CDH23: variants seen among roughly 807,000 people sequenced by gnomAD.
CDH23 encodes cadherin-23.
A neutral mutation model predicts 317.1 loss-of-function variants in CDH23; 189 were observed. The ratio of observed to expected loss-of-function variants is 0.60; its 90% CI spans 0.53 to 0.67. The LOEUF (loss-of-function observed/expected upper bound fraction) is 0.67. CDH23 is among the 30% of genes least tolerant of loss of function. CDH23 has a pLI of 0.00. For missense variants in CDH23, 4,401 were observed against 4,592.4 expected, an observed-to-expected ratio of 0.96 and a Z score of 1.20; for synonymous variants, 1,839 against 1,876.8, an observed-to-expected ratio of 0.98 and a Z score of 0.52.
intron 1 of CDH23, among the ~76,000 whole-genome samples, chr10:71,406,436 G>A (rs1264699614): frequency 6.6e-6 from 1 of 152,170 alleles, no homozygotes; most frequent in African/African-American, 2.4e-5. Context: ...CATGCTGTCT[G>A]CACTTCTCCT....
intron 49 of CDH23, 44 bp downstream of exon 49, chr10:71,797,264 A>G: frequency 2.9e-6 from 4 of 1,394,810 alleles, no homozygotes; most frequent in Non-Finnish European, 3.0e-6. Flanking sequence ...CTCAGAGCCA[A>G]TCAGGGCAGG....
At chr10:71,541,910 T>C (rs1856009128) in intron 6 of CDH23, among the ~76,000 whole-genome samples, 1 of 152,260 alleles carries the variant, frequency 6.6e-6, no homozygotes, top group Non-Finnish European at 1.5e-5. Context: ...TTTTGATTTT[T>C]TGCTAAGCAC....
intron 38 of CDH23, among the ~76,000 whole-genome samples, chr10:71,744,425 A>G (rs1239857851): frequency 6.6e-6 from 1 of 152,212 alleles, no homozygotes; most frequent in Non-Finnish European, 1.5e-5. Flanking sequence ...ATAAATGGGA[A>G]TTGAAGAAAT....
chr10:71,526,548 C>T (rs1483254487), intron 6 of CDH23, among the ~76,000 whole-genome samples: 2 of 152,224 alleles, frequency 1.3e-5, no homozygotes, highest in Non-Finnish European at 2.9e-5. Context: ...CTGCACTGAC[C>T]TCCTTCTCCA....
chr10:71,802,373 G>A (rs1841579982), intron 53 of CDH23, among the ~76,000 whole-genome samples: 1 of 152,216 alleles, frequency 6.6e-6, no homozygotes, highest in Non-Finnish European at 1.5e-5. Context: ...GCAGCTCCCA[G>A]CAGCCAGGGA....
At chr10:71,602,128 A>G (rs1033751022) in intron 9 of CDH23, among the ~76,000 whole-genome samples, 3 of 150,112 alleles carry the variant, frequency 2.0e-5, no homozygotes, top group South Asian at 2.2e-4. Context: ...ACGGAGCACA[A>G]TTTGATTCAT....
chr10:71,420,072 G>A (rs962860000), intron 1 of CDH23, among the ~76,000 whole-genome samples: 4 of 152,170 alleles, frequency 2.6e-5, no homozygotes, highest in East Asian at 1.9e-4. Context: ...TTTAAAAGGC[G>A]GGGGTTGACT....
At chr10:71,535,343 G>A (rs1855637692) in intron 6 of CDH23, among the ~76,000 whole-genome samples, 1 of 152,140 alleles carries the variant, frequency 6.6e-6, no homozygotes, top group East Asian at 1.9e-4. Context: ...CCCTCACACA[G>A]GGCGTGGCCC....
chr10:71,539,545 A>G (rs4747165), intron 6 of CDH23, among the ~76,000 whole-genome samples: 60,116 of 151,566 alleles, frequency 0.4, 12,536 homozygotes, highest in East Asian at 0.7. Context: ...AACTAGAGAT[A>G]TAACAGCTCC....
At chr10:71,622,919 C>T in intron 11 of CDH23, 2 of 985,354 alleles carry the variant, frequency 2.0e-6, no homozygotes, top group Non-Finnish European at 1.2e-6. Context: ...TTCAGAAAGG[C>T]CTTCGGGCCT....
At chr10:71,625,396 T>TAAAA (rs1156772192) in intron 11 of CDH23, among the ~76,000 whole-genome samples, 4 of 19,836 alleles carry the variant, frequency 2.0e-4, no homozygotes, top group African/African-American at 6.5e-4. Context: ...CCAAATAAAT[T>TAAAA]AAAAAAAAAA....
intron 14 of CDH23, among the ~76,000 whole-genome samples, chr10:71,667,967 T>C (rs768503989): frequency 1.3e-5 from 2 of 152,056 alleles, no homozygotes; most frequent in Non-Finnish European, 2.9e-5. Context: ...GACTGCCCCA[T>C]CCTTCCAAGG....
Position 71,738,651 on chromosome 10 carries a change from G to C in CDH23, c.4359+4G>C. 1 of 1,612,202 alleles carries C rather than the reference G, an allele frequency of 6.2e-7. No individual in the cohort carries two copies. The highest frequency in any genetic ancestry group is 8.5e-7 in the Non-Finnish European group (1 of 1,179,258). On this transcript the variant is annotated splice_donor_region_variant and intron_variant, in intron 35 of 69. Coordinates refer to ENST00000224721, the MANE Select transcript of CDH23 (RefSeq NM_022124.6). ...TGATGCTGGCAGCAATGGGCAGGTG[G>C]GCCACCGAGTGAAACAGCCAGGATC...
rs1173259611 is a variant in CDH23 at position 71,645,945 on chromosome 10, C to A, written c.1255C>A (p.Leu419Met). The A allele has an allele frequency of 3.1e-6, 5 of 1,613,560 alleles. No homozygotes were observed. In the East Asian group the frequency reaches 1.1e-4, roughly 36 times the overall value. The change falls in exon 13 of 70, where the codon CTG (leucine) becomes ATG (methionine). Residue 419 changes from leucine to methionine, a missense_variant. Around this residue, in one of 3 missense-constraint regions of CDH23, gnomAD observed 3,068 missense variants for 3,203.3 expected, o/e 0.96. Coordinates refer to ENST00000224721, the MANE Select transcript of CDH23 (RefSeq NM_022124.6). ...CATTCGTATTCGGGTGGCCATCCCA[C>A]TGGACTACGAGACCGTGGACCGCTA... Reference protein sequence around the residue: ...ADIRIRVAIPLDYETVDRYDF... With the variant: ...ADIRIRVAIPMDYETVDRYDF...
intron 29 of CDH23, 114 bp downstream of exon 29, chr10:71,724,219 T>G (rs7893748): frequency 4.5e-6 from 5 of 1,103,680 alleles, no homozygotes; most frequent in Non-Finnish European, 6.7e-6. Context: ...CAGGGCCATA[T>G]ACATGGGGCG....
intron 12 of CDH23, among the ~76,000 whole-genome samples, chr10:71,644,572 C>G (rs1276569794): frequency 6.6e-6 from 1 of 152,226 alleles, no homozygotes; most frequent in Non-Finnish European, 1.5e-5. Context: ...CAGGGACTAT[C>G]CCCTTAGACC....
At chr10:71,403,458 C>CTTCCT (rs1847942188) in intron 1 of CDH23, among the ~76,000 whole-genome samples, 6 of 20,324 alleles carry the variant, frequency 3.0e-4, no homozygotes, top group East Asian at 2.4e-3. Context: ...CCTTCCTTTC[C>CTTCCT]TTCCTTCCTT....
intron 3 of CDH23, among the ~76,000 whole-genome samples, chr10:71,486,717 G>C (rs78988211): frequency 6.6e-6 from 1 of 152,184 alleles, no homozygotes; most frequent in Admixed American, 6.5e-5. Context: ...TCAAACTCCA[G>C]CGCTGTACTC....
intron 1 of CDH23, 79 bp from the exon 2 acceptor site, chr10:71,439,748 A>G: frequency 9.8e-7 from 1 of 1,023,484 alleles, no homozygotes; most frequent in South Asian, 1.4e-5. Flanking sequence ...CTGGAGCTGC[A>G]GAGGTGGGAG....
Sources: allele counts gnomAD v4.1 joint callset (sites outside exome capture counted in the v4.1 genomes callset), GRCh38; gene constraint gnomAD v4.1.1; regional missense constraint gnomAD v4.1.1; transcripts MANE v1.5; gene names NCBI Gene and HGNC (gene_info 2026-07-23, HGNC 2026-07-21).